VPS13A: variants seen among roughly 807,000 people sequenced by gnomAD.
The protein encoded by VPS13A is vacuolar protein sorting 13 homolog A, also known as intermembrane lipid transfer protein VPS13A.
VPS13A carries 264 observed loss-of-function variants against 390.9 expected under a neutral mutation model. The ratio of observed to expected loss-of-function variants is 0.68; its 90% confidence interval spans 0.61 to 0.75. VPS13A has a LOEUF of 0.75. VPS13A is among the 30% of genes least tolerant of loss of function. VPS13A has a pLI of 0.00. For synonymous variants in VPS13A, 1,231 were observed against 1,227.1 expected (o/e 1.00, Z -0.07); for missense variants, 3,409 against 3,733.9 (o/e 0.91, Z 2.27).
rs1835281667 is a variant in VPS13A at position 77,419,533 on chromosome 9, A to C, written c.*3527A>C. On this transcript the variant is annotated 3_prime_UTR_variant, in exon 72 of 72. Transcript: ENST00000360280. ...AGGAGCAGCAGATCCACAACTCAGG[A>C]AGTCTAGAGATGCTTAGCACTTCTT... The C allele has an allele frequency of 6.6e-6, 1 of 152,166 alleles. No individual in the cohort carries two copies. Among genetic ancestry groups the C allele is most frequent in the East Asian group, 1.9e-4 (1 of 5,178 alleles). 9.4% of individuals were successfully genotyped at this position (152,166 alleles called of 1,614,324 possible).
At chr9:77,287,906 A>G (rs986691289) in intron 31 of VPS13A, among the ~76,000 whole-genome samples, 3 of 152,206 alleles carry the variant, frequency 2.0e-5, no homozygotes, top group African/African-American at 4.8e-5. Context: ...CAATTTACCT[A>G]TAGTAAAACT....
chr9:77,299,326 T>C (rs1420782457), intron 33 of VPS13A, among the ~76,000 whole-genome samples: 82 of 152,134 alleles, frequency 5.4e-4, no homozygotes, highest in Non-Finnish European at 1.2e-4. Context: ...GTGAATAGCA[T>C]TGAATCTATA....
chr9:77,291,827 G>A (rs1174659016), intron 31 of VPS13A, among the ~76,000 whole-genome samples: 3 of 152,128 alleles, frequency 2.0e-5, no homozygotes, highest in African/African-American at 7.2e-5. Flanking sequence ...CAGAAATGGA[G>A]TATTCTTGGC....
At chr9:77,409,323 G>A (rs1009814807) in intron 71 of VPS13A, among the ~76,000 whole-genome samples, 17 of 151,988 alleles carry the variant, frequency 1.1e-4, no homozygotes, top group African/African-American at 3.9e-4. Flanking sequence ...AAAGACCAAA[G>A]GTAGATAAAA....
At position 77,339,407 on chromosome 9, in the gene VPS13A, G is replaced by A. The variant is rs7860505; in HGVS notation, c.6379-109G>A. ...TAAGTCTTCTGACTTGTTCTGATAG[G>A]TATTTCAAAAGCATTTTTTGCAGCA... On this transcript the variant is annotated intron_variant, in intron 47 of 71. Transcript: ENST00000360280. 9.7e-4 allele frequency: 1,009 copies of A among 1,043,140 alleles called. 11 individuals are homozygous for A. In the African/African-American group the frequency reaches 0.015, roughly 15 times the overall value. The allele number at this position is 1,043,140 out of a possible 1,614,324, so 64.6% of individuals were successfully genotyped here. A position where few individuals can be genotyped will look rare whatever the true frequency, so the allele number is the denominator to read the frequency against.
intron 1 of VPS13A, among the ~76,000 whole-genome samples, chr9:77,187,629 A>G (rs1824420438): frequency 6.6e-6 from 1 of 151,976 alleles, no homozygotes; most frequent in African/African-American, 2.4e-5. Flanking sequence ...ACACACACAC[A>G]CACACAATGT....
In VPS13A at chr9:77,416,000, CCT is replaced by C; in HGVS notation, c.9522_9523del (p.Ter3175ThrfsTer6). On this transcript the variant is annotated frameshift_variant, in exon 72 of 72. Transcript: ENST00000360280. LOFTEE classifies it high-confidence loss of function. ...LQEAREPSPS[L>X] ...AAGAAGCAAGAGAACCTTCTCCGAG[CCT>C]CTGACAGAGAACACTGCCTGAAGAC... is the stretch of plus-strand genomic sequence containing the variant. 8 of 1,613,452 alleles carry C rather than the reference CCT, an allele frequency of 5.0e-6. No individual in the cohort carries two copies. The highest frequency in any genetic ancestry group is 6.8e-6 in the Non-Finnish European group (8 of 1,179,512).
intron 23 of VPS13A, among the ~76,000 whole-genome samples, chr9:77,262,473 G>A (rs1183878704): frequency 6.6e-6 from 1 of 151,964 alleles, no homozygotes; most frequent in East Asian, 1.9e-4. Flanking sequence ...TGGGATACAT[G>A]TGCAGAACAT....
At chr9:77,326,257 A>G (rs1587588922) in intron 45 of VPS13A, among the ~76,000 whole-genome samples, 2 of 151,464 alleles carry the variant, frequency 1.3e-5, no homozygotes, top group Admixed American at 6.6e-5. Context: ...TGTTCCTTGT[A>G]TTTGGGGTTT....
Position 77,371,575 on chromosome 9 carries a change from T to C in VPS13A, c.9077+426T>C, listed in dbSNP as rs570360981. Reference sequence around the variant, plus strand: ...GGATAAAGTTTCCAACACATGCTCTTGGAGGGACACATTCAAACCATAGCA... The same window carrying C: ...GGATAAAGTTTCCAACACATGCTCTCGGAGGGACACATTCAAACCATAGCA... On this transcript the variant is annotated intron_variant, in intron 67 of 71. Transcript: ENST00000360280. Among the ~76,000 whole-genome samples, 5 of 152,206 alleles carry C rather than the reference T, an allele frequency of 3.3e-5. No individual in the cohort carries two copies. The South Asian group carries it at 1.0e-3, about 32-fold the overall frequency.
At chr9:77,243,951 CAA>C (rs1179775417) in intron 19 of VPS13A, among the ~76,000 whole-genome samples, 3 of 152,058 alleles carry the variant, frequency 2.0e-5, no homozygotes, top group African/African-American at 7.2e-5. Flanking sequence ...AAGAATGTAA[CAA>C]GAGGCCAAGC....
rs147784052 is a variant in VPS13A, at chr9:77,364,382, G to A, written c.8212-1078G>A. 3.8e-3 allele frequency among the ~76,000 whole-genome samples: 576 copies of A among 152,100 alleles called. 1 individual carries two copies. Among genetic ancestry groups the A allele is most frequent in the Non-Finnish European group, 6.9e-3 (466 of 67,984 alleles). On this transcript the variant is annotated intron_variant, in intron 59 of 71. Coordinates refer to ENST00000360280, the MANE Select transcript of VPS13A (RefSeq NM_033305.3). Reference sequence around the variant, plus strand: ...ACAAGTTGCAGTGAGCCGAGATCGCGCCACTGCACTCCAGCCTAGGTGACC... The same window carrying A: ...ACAAGTTGCAGTGAGCCGAGATCGCACCACTGCACTCCAGCCTAGGTGACC...
chr9:77,387,293 G>A (rs974782113), intron 68 of VPS13A, among the ~76,000 whole-genome samples: 1 of 152,128 alleles, frequency 6.6e-6, no homozygotes, highest in African/African-American at 2.4e-5. Flanking sequence ...TTTATCAATG[G>A]TTCTATAATT....
At chr9:77,180,376 T>C (rs1223179360) in intron 1 of VPS13A, among the ~76,000 whole-genome samples, 1 of 152,254 alleles carries the variant, frequency 6.6e-6, no homozygotes, top group Non-Finnish European at 1.5e-5. Flanking sequence ...TCATCAGATA[T>C]GTAATTTGAA....
chr9:77,229,529 T>A (rs10869914), intron 17 of VPS13A, among the ~76,000 whole-genome samples: 29,655 of 152,176 alleles, frequency 0.19, 3,732 homozygotes, highest in East Asian at 0.39. Flanking sequence ...AGTCATACAA[T>A]ATCTGGTCTT....
intron 34 of VPS13A, among the ~76,000 whole-genome samples, chr9:77,306,104 A>G (rs1414058661): frequency 6.6e-6 from 1 of 152,234 alleles, no homozygotes; most frequent in African/African-American, 2.4e-5. Flanking sequence ...AGTGTCATGA[A>G]TAAAGAATGA....
At chr9:77,296,270 A>G (rs920542372) in intron 33 of VPS13A, among the ~76,000 whole-genome samples, 3 of 152,182 alleles carry the variant, frequency 2.0e-5, no homozygotes, top group African/African-American at 4.8e-5. Context: ...GTAGCATACA[A>G]CCTTATTCGT....
At chr9:77,349,063 C>T (rs907969554) in intron 52 of VPS13A, among the ~76,000 whole-genome samples, 2 of 151,680 alleles carry the variant, frequency 1.3e-5, no homozygotes, top group East Asian at 3.9e-4. Flanking sequence ...ATGTTATTTC[C>T]TGCATATAAA....
intron 65 of VPS13A, 142 bp from the exon 66 acceptor site, chr9:77,370,748 G>A (rs1832705131): frequency 1.4e-6 from 2 of 1,388,924 alleles, no homozygotes; most frequent in South Asian, 1.3e-5. Flanking sequence ...AAAACATTCT[G>A]TTTAAATAAA....
Sources: gnomAD v4.1 joint callset for allele counts (sites outside exome capture counted in the v4.1 genomes callset) on GRCh38, gnomAD v4.1.1 for gene constraint, MANE v1.5 for transcripts, NCBI Gene and HGNC (gene_info 2026-07-23, HGNC 2026-07-21) for gene names.